Variants in BTBD9 observed in about 807,000 individuals in gnomAD.
The protein encoded by BTBD9 is BTB/POZ domain-containing protein 9.
In BTBD9, 49 loss-of-function variants were observed where a neutral mutation model predicts 64.3. That is an observed-to-expected ratio of 0.76 (90% CI 0.61 to 0.97). The LOEUF (loss-of-function observed/expected upper bound fraction) is 0.97, where lower values mean the gene tolerates loss of function less well. Ranked by LOEUF, BTBD9 falls within the 50% of genes least tolerant of loss-of-function variation. The probability of loss-of-function intolerance (pLI) is 0.00; values close to 1 mark genes in which losing one functional copy is unlikely to be tolerated. For missense variants in BTBD9, 598 were observed against 762.1 expected, an observed-to-expected ratio of 0.78 and a Z score of 2.53; for synonymous variants, 260 against 274.7, an observed-to-expected ratio of 0.95 and a Z score of 0.53.
chr6:38,622,494 T>C (rs577186115), intron 1 of BTBD9, among the ~76,000 whole-genome samples: 6 of 152,130 alleles, frequency 3.9e-5, no homozygotes, highest in Non-Finnish European at 8.8e-5. Context: ...AGGGATACAA[T>C]ATTACCTTCA....
intron 9 of BTBD9, among the ~76,000 whole-genome samples, chr6:38,256,115 G>T (rs900303218): frequency 3.9e-5 from 6 of 151,972 alleles, no homozygotes; most frequent in African/African-American, 1.2e-4. Flanking sequence ...GGGGTGGGGG[G>T]TCTGAGAGAG....
intron 6 of BTBD9, among the ~76,000 whole-genome samples, chr6:38,517,913 G>A (rs549439281): frequency 1.3e-5 from 2 of 152,158 alleles, no homozygotes; most frequent in South Asian, 4.2e-4. Flanking sequence ...CCTCACCTCA[G>A]GCTCTGTTTT....
chr6:38,340,001 T>C (rs552082242), intron 7 of BTBD9, among the ~76,000 whole-genome samples: 1 of 152,252 alleles, frequency 6.6e-6, no homozygotes, highest in African/African-American at 2.4e-5. Flanking sequence ...ATGTATGTAT[T>C]GGGGATAGAG....
At chr6:38,485,355 C>G (rs1307443667) in intron 6 of BTBD9, among the ~76,000 whole-genome samples, 2 of 152,200 alleles carry the variant, frequency 1.3e-5, no homozygotes, top group Non-Finnish European at 2.9e-5. Context: ...TTGCCCAGAT[C>G]AGAGGAATCA....
chr6:38,383,045 A>G (rs771016568), intron 6 of BTBD9, among the ~76,000 whole-genome samples: 4 of 152,218 alleles, frequency 2.6e-5, no homozygotes, highest in Non-Finnish European at 5.9e-5. Flanking sequence ...TATGAGGCTG[A>G]TACAACCTGA....
chr6:38,464,505 CTTTTT>C (rs1554158263), intron 6 of BTBD9, among the ~76,000 whole-genome samples: 8 of 151,100 alleles, frequency 5.3e-5, no homozygotes, highest in African/African-American at 1.9e-4. Flanking sequence ...CTTTTCTTTT[CTTTTT>C]TTTGAGACAG....
chr6:38,341,187 C>T (rs1764084547), intron 7 of BTBD9, among the ~76,000 whole-genome samples: 1 of 152,100 alleles, frequency 6.6e-6, no homozygotes, highest in Non-Finnish European at 1.5e-5. Context: ...ATTTACTCAA[C>T]CTATAAAAAC....
chr6:38,431,192 C>T (rs902490874), intron 6 of BTBD9, among the ~76,000 whole-genome samples: 4 of 151,874 alleles, frequency 2.6e-5, no homozygotes, highest in African/African-American at 7.3e-5. Context: ...TATCTCCAGT[C>T]CTGATTTCTC....
Position 38,173,230 on chromosome 6 carries a change from G to A in BTBD9, c.*1755C>T, listed in dbSNP as rs551039090. 4 of 152,396 alleles carry A rather than the reference G, an allele frequency of 2.6e-5. No homozygotes were observed. The highest frequency in any genetic ancestry group is 4.1e-4 in the South Asian group (2 of 4,834). 9.4% of individuals were successfully genotyped at this position (152,396 alleles called of 1,614,324 possible). ...GCTGACAGAGTCAGCAACCATGCTG[G>A]AGGGCCCCCCACTGTGAGCGGGCGC... On this transcript the variant is annotated 3_prime_UTR_variant, in exon 11 of 11. Transcript: ENST00000481247.
chr6:38,549,827 C>T (rs1403841275), intron 6 of BTBD9, among the ~76,000 whole-genome samples: 7 of 152,168 alleles, frequency 4.6e-5, no homozygotes, highest in African/African-American at 1.7e-4. Context: ...AAAACTGCTT[C>T]TCAAGGGCAT....
chr6:38,175,678 G>A (rs1165031196), intron 10 of BTBD9, among the ~76,000 whole-genome samples: 7 of 152,136 alleles, frequency 4.6e-5, no homozygotes, highest in South Asian at 4.1e-4. Flanking sequence ...TTTCTCCCGC[G>A]TCCCAAAGCT....
chr6:38,174,974 C>G lies in BTBD9; in HGVS notation c.*11G>C. 4.3e-6 allele frequency: 7 copies of G among 1,613,398 alleles called. No homozygotes were observed. The highest frequency in any genetic ancestry group is 5.9e-6 in the Non-Finnish European group (7 of 1,180,036). On this transcript the variant is annotated 3_prime_UTR_variant, in exon 11 of 11. Transcript: ENST00000481247. ...CGAGCCCACCAAGTCACACCAGGCCCGCTGCCTCCTTTATTGGTGCTGCCG... is the reference window on the plus strand; with the variant it reads ...CGAGCCCACCAAGTCACACCAGGCCGGCTGCCTCCTTTATTGGTGCTGCCG...
chr6:38,526,612 C>T (rs1582578104), intron 6 of BTBD9, among the ~76,000 whole-genome samples: 1 of 152,338 alleles, frequency 6.6e-6, no homozygotes, highest in South Asian at 2.1e-4. Context: ...CATGAAGGAG[C>T]TGTCCAAGAC....
rs1389051857 is a variant in BTBD9, at chr6:38,184,975, G to A, written c.1641+7544C>T. 1.3e-5 allele frequency among the ~76,000 whole-genome samples: 2 copies of A among 152,144 alleles called. No individual in the cohort carries two copies. The highest frequency in any genetic ancestry group is 2.9e-5 in the Non-Finnish European group (2 of 68,032). ...CCACTTGCAGACTTTCTGTCCTGCT[G>A]CTGTCGGCCCATGCAGATGCTCCTC... On this transcript the variant is annotated intron_variant, in intron 10 of 10. Transcript: ENST00000481247. The surrounding 1 kb of genome is among the most constrained non-coding windows in gnomAD (Gnocchi z 4.4).
chr6:38,275,518 A>G (rs1408046883), intron 8 of BTBD9, among the ~76,000 whole-genome samples: 1 of 150,874 alleles, frequency 6.6e-6, no homozygotes, highest in Non-Finnish European at 1.5e-5. Flanking sequence ...TAAACTAAAG[A>G]GCTTCTGCAC....
chr6:38,232,177 C>T (rs1763630987), intron 9 of BTBD9, among the ~76,000 whole-genome samples: 1 of 152,174 alleles, frequency 6.6e-6, no homozygotes, highest in African/African-American at 2.4e-5. Flanking sequence ...TGAGGGCCTT[C>T]CGACTGCACA....
chr6:38,287,605 C>G (rs113520470), intron 8 of BTBD9, among the ~76,000 whole-genome samples: 3,231 of 152,250 alleles, frequency 0.021, 86 homozygotes, highest in African/African-American at 0.069. Context: ...AACATACCAT[C>G]TAGCCTAGGT....
intron 6 of BTBD9, among the ~76,000 whole-genome samples, chr6:38,408,235 G>A (rs1210404113): frequency 1.3e-5 from 2 of 152,092 alleles, no homozygotes; most frequent in East Asian, 1.9e-4. Context: ...ACATGCACCT[G>A]CAGTCCCAGT....
chr6:38,175,791 G>T (rs1761211055), intron 10 of BTBD9, among the ~76,000 whole-genome samples: 1 of 152,224 alleles, frequency 6.6e-6, no homozygotes, highest in Admixed American at 6.5e-5. Flanking sequence ...TCCTGAGCTG[G>T]TTCCTGATGC....
Sources: allele counts gnomAD v4.1 joint callset (sites outside exome capture counted in the v4.1 genomes callset), GRCh38; gene constraint gnomAD v4.1.1; non-coding constraint Gnocchi (gnomAD v3.1); transcripts MANE v1.5; gene names NCBI Gene and HGNC (gene_info 2026-07-23, HGNC 2026-07-21).